The following ABCA13 variants were observed in gnomAD, a reference collection of about 807,000 sequenced individuals.
The protein encoded by ABCA13 is ATP-binding cassette sub-family A member 13.
Under a neutral mutation model 478.7 loss-of-function variants are expected in ABCA13, and 476 were observed. The ratio of observed to expected loss-of-function variants is 0.99; its 90% CI spans 0.92 to 1.07. The LOEUF (loss-of-function observed/expected upper bound fraction) is 1.07. Among genes scored for constraint, ABCA13 ranks in the 50% least tolerant of loss-of-function variants. ABCA13 has a pLI of 0.00. For missense variants in ABCA13, 6,060 were observed against 5,910.6 expected, an observed-to-expected ratio of 1.03 and a Z score of -0.83; for synonymous variants, 2,252 against 2,158.9, an observed-to-expected ratio of 1.04 and a Z score of -1.20.
chr7:48,559,832 A>G (rs928400202), intron 55 of ABCA13, among the ~76,000 whole-genome samples: 2 of 152,092 alleles, frequency 1.3e-5, no homozygotes, highest in African/African-American at 4.8e-5. Context: ...GTCATCCCGG[A>G]GCAAAGGCCT....
chr7:48,267,670 CAGTT>C (rs1401716476), intron 15 of ABCA13, among the ~76,000 whole-genome samples: 1 of 152,050 alleles, frequency 6.6e-6, no homozygotes, highest in Non-Finnish European at 1.5e-5. Context: ...GCAAAAACCA[CAGTT>C]ACTTTTGCAT....
At chr7:48,383,475 G>A (rs181852777) in intron 35 of ABCA13, among the ~76,000 whole-genome samples, 78 of 152,242 alleles carry the variant, frequency 5.1e-4, no homozygotes, top group African/African-American at 1.8e-3. Context: ...CACTTATATC[G>A]AAGTGAAGCA....
intron 43 of ABCA13, among the ~76,000 whole-genome samples, chr7:48,460,850 T>A (rs1826168450): frequency 2.0e-5 from 3 of 152,224 alleles, no homozygotes. Flanking sequence ...TGTTCTGTCA[T>A]CTCAAAAACA....
At chr7:48,458,281 C>G (rs1424986645) in intron 43 of ABCA13, among the ~76,000 whole-genome samples, 1 of 152,152 alleles carries the variant, frequency 6.6e-6, no homozygotes, top group Non-Finnish European at 1.5e-5. Context: ...TCTTATAGTC[C>G]TCCTGACTCC....
At position 48,634,684 on chromosome 7, in the gene ABCA13, T is replaced by C. The variant is rs144107216; in HGVS notation, c.14838-8604T>C. On this transcript the variant is annotated intron_variant, in intron 59 of 61. Coordinates refer to ENST00000435803, the MANE Select transcript of ABCA13 (RefSeq NM_152701.5). Reference sequence around the variant, plus strand: ...CCTGTCTTCTTGCTTTAGGTTTAGTTTGCTTTTCTTTTTCCAGTTTCTTAA... The same window carrying C: ...CCTGTCTTCTTGCTTTAGGTTTAGTCTGCTTTTCTTTTTCCAGTTTCTTAA... 1.2e-3 allele frequency among the ~76,000 whole-genome samples: 189 copies of C among 152,298 alleles called. 1 individual carries two copies. In the East Asian group the frequency reaches 0.018, roughly 14 times the overall value.
intron 27 of ABCA13, among the ~76,000 whole-genome samples, chr7:48,331,787 T>C (rs992919988): frequency 6.6e-5 from 10 of 152,140 alleles, no homozygotes; most frequent in Admixed American, 5.9e-4. Flanking sequence ...TATGCAGGCT[T>C]AGCACCTGTG....
chr7:48,362,991 G>C (rs1384679803), intron 31 of ABCA13, among the ~76,000 whole-genome samples: 1 of 152,042 alleles, frequency 6.6e-6, no homozygotes, highest in Non-Finnish European at 1.5e-5. Flanking sequence ...GCATTTCAGG[G>C]AATAGTAGCA....
intron 48 of ABCA13, among the ~76,000 whole-genome samples, chr7:48,492,409 C>A (rs1829917890): frequency 6.6e-6 from 1 of 152,188 alleles, no homozygotes; most frequent in Non-Finnish European, 1.5e-5. Context: ...TTTCTTCTCC[C>A]ACAGTTATTT....
Position 48,430,061 on chromosome 7 carries a change from A to G in ABCA13, c.12565+2190A>G, listed in dbSNP as rs137958951. On this transcript the variant is annotated intron_variant, in intron 42 of 61. Coordinates refer to ENST00000435803, the MANE Select transcript of ABCA13 (RefSeq NM_152701.5). Reference sequence around the variant, plus strand: ...TCTTCACCTCATAGAATGAGTTGAGAGGTGATCCCTTCTCTTCTATTTTGT... The same window carrying G: ...TCTTCACCTCATAGAATGAGTTGAGGGGTGATCCCTTCTCTTCTATTTTGT... 3.9e-5 allele frequency among the ~76,000 whole-genome samples: 6 copies of G among 152,220 alleles called. No individual in the cohort carries two copies. In the East Asian group the frequency reaches 1.2e-3, roughly 30 times the overall value.
At chr7:48,554,809 T>TTTA (rs1376880539) in intron 55 of ABCA13, among the ~76,000 whole-genome samples, 10 of 144,004 alleles carry the variant, frequency 6.9e-5, no homozygotes, top group Non-Finnish European at 1.2e-4. Context: ...GTGGATGCCC[T>TTTA]TTATTATTAT....
At chr7:48,231,004 G>A (rs1358766687) in intron 7 of ABCA13, among the ~76,000 whole-genome samples, 3 of 152,078 alleles carry the variant, frequency 2.0e-5, no homozygotes, top group Non-Finnish European at 4.4e-5. Context: ...AGGTCCAGTC[G>A]TCGGGTCGGG....
intron 55 of ABCA13, among the ~76,000 whole-genome samples, chr7:48,536,400 C>T (rs578111313): frequency 2.0e-5 from 3 of 152,270 alleles, no homozygotes; most frequent in East Asian, 3.9e-4. Flanking sequence ...GTAATCCCAG[C>T]ATTATGGGAG....
At chr7:48,634,237 G>C (rs894476743) in intron 59 of ABCA13, among the ~76,000 whole-genome samples, 2 of 152,066 alleles carry the variant, frequency 1.3e-5, no homozygotes, top group Non-Finnish European at 2.9e-5. Context: ...AGAGACATTG[G>C]TCTGTAATGT....
At chr7:48,568,654 C>T (rs1164223591) in intron 55 of ABCA13, among the ~76,000 whole-genome samples, 1 of 151,872 alleles carries the variant, frequency 6.6e-6, no homozygotes. Context: ...TTCTCTTCTA[C>T]TTTTTGAAAT....
intron 5 of ABCA13, among the ~76,000 whole-genome samples, chr7:48,222,534 A>G (rs962181622): frequency 6.6e-6 from 1 of 152,220 alleles, no homozygotes; most frequent in Non-Finnish European, 1.5e-5. Context: ...CAAATTTCCC[A>G]AAGTAAGATA....
chr7:48,361,523 T>C (rs1810831457), intron 31 of ABCA13, among the ~76,000 whole-genome samples: 1 of 151,918 alleles, frequency 6.6e-6, no homozygotes, highest in Non-Finnish European at 1.5e-5. Flanking sequence ...CATCTAACTT[T>C]TTCTGCTTTT....
intron 31 of ABCA13, among the ~76,000 whole-genome samples, chr7:48,362,042 G>A (rs905210930): frequency 6.6e-6 from 1 of 151,888 alleles, no homozygotes; most frequent in African/African-American, 2.4e-5. Flanking sequence ...TTCTGTTTTG[G>A]TATCAAGTAA....
chr7:48,258,033 C>T (rs1482103918), intron 15 of ABCA13, among the ~76,000 whole-genome samples: 2 of 152,140 alleles, frequency 1.3e-5, no homozygotes, highest in Admixed American at 6.5e-5. Context: ...AAGCAACCCT[C>T]CTGCCTCAAC....
chr7:48,600,055 T>G (rs1585935596), intron 58 of ABCA13, among the ~76,000 whole-genome samples: 1 of 152,354 alleles, frequency 6.6e-6, no homozygotes, highest in South Asian at 2.1e-4. Flanking sequence ...TTTCTTTTCC[T>G]TCTTTAGATT....
Sources: gnomAD v4.1 joint callset for allele counts (sites outside exome capture counted in the v4.1 genomes callset) on GRCh38, gnomAD v4.1.1 for gene constraint, MANE v1.5 for transcripts, NCBI Gene and HGNC (gene_info 2026-07-23, HGNC 2026-07-21) for gene names.